GPC5: variants seen among roughly 807,000 people sequenced by gnomAD.
The protein encoded by GPC5 is glypican 5.
A neutral mutation model predicts 53.9 loss-of-function variants in GPC5; 47 were observed. The ratio of observed to expected loss-of-function variants is 0.87; its 90% CI spans 0.69 to 1.11. The LOEUF (loss-of-function observed/expected upper bound fraction) is 1.11. Ranked by LOEUF, GPC5 falls within the 50% of genes most tolerant of loss-of-function variation. GPC5 has a pLI of 0.00. For synonymous variants in GPC5, 286 were observed against 263.3 expected, an observed-to-expected ratio of 1.09 and a Z score of -0.84; for missense variants, 748 against 713.1, an observed-to-expected ratio of 1.05 and a Z score of -0.56.
At chr13:91,710,311 A>G (rs2036198018) in intron 3 of GPC5, among the ~76,000 whole-genome samples, 1 of 152,226 alleles carries the variant, frequency 6.6e-6, no homozygotes, top group Non-Finnish European at 1.5e-5. Context: ...CTAACACTTC[A>G]TATCTTCCAT....
chr13:91,630,236 T>A (rs7992653), intron 2 of GPC5, among the ~76,000 whole-genome samples: 2 of 152,128 alleles, frequency 1.3e-5, no homozygotes, highest in Non-Finnish European at 2.9e-5. Context: ...TAACTTCTAC[T>A]GAGATTTTAA....
intron 6 of GPC5, among the ~76,000 whole-genome samples, chr13:92,122,672 G>A (rs371614300): frequency 2.1e-5 from 3 of 143,692 alleles, no homozygotes; most frequent in Admixed American, 1.4e-4. Context: ...ATAAAATTGT[G>A]TAATAATGGT....
intron 6 of GPC5, among the ~76,000 whole-genome samples, chr13:91,955,254 G>C (rs60993548): frequency 1.6e-4 from 25 of 152,110 alleles, no homozygotes; most frequent in African/African-American, 6.0e-4. Flanking sequence ...TTGGAGGAAC[G>C]CAAATAGCCA....
chr13:91,754,918 T>C (rs2037257170), intron 4 of GPC5, among the ~76,000 whole-genome samples: 1 of 152,144 alleles, frequency 6.6e-6, no homozygotes, highest in Non-Finnish European at 1.5e-5. Flanking sequence ...CTTTATCACT[T>C]ATCTGGTCCA....
In GPC5 at chr13:92,773,667, G is replaced by A. The variant is rs1051516446; in HGVS notation, c.1562-92615G>A. Among the ~76,000 whole-genome samples the A allele has an allele frequency of 2.5e-4, 38 of 152,232 alleles. No homozygotes were observed. The East Asian group carries it at 6.6e-3, about 26-fold the overall frequency. The stretch of plus-strand genomic sequence containing the variant: ...CTAATTGTCTTAGGAAAATTGCAAC[G>A]ATGTACTAACTAGTTTTCTTGCCAC... On this transcript the variant is annotated intron_variant, in intron 7 of 7. Transcript: ENST00000377067.
At chr13:91,650,760 T>G (rs866007757) in intron 2 of GPC5, among the ~76,000 whole-genome samples, 1 of 146,316 alleles carries the variant, frequency 6.8e-6, no homozygotes, top group African/African-American at 2.7e-5. Context: ...GTTTTTTTTT[T>G]TTTTTTTTTT....
chr13:91,445,071 A>G (rs1880689978), intron 1 of GPC5, among the ~76,000 whole-genome samples: 1 of 152,178 alleles, frequency 6.6e-6, no homozygotes, highest in African/African-American at 2.4e-5. Context: ...AACTAGCACA[A>G]ATTATTTTTC....
At chr13:91,464,770 G>T (rs1178489739) in intron 2 of GPC5, among the ~76,000 whole-genome samples, 1 of 151,862 alleles carries the variant, frequency 6.6e-6, no homozygotes, top group African/African-American at 2.4e-5. Context: ...AGTGGTGATG[G>T]TTACATGAAG....
At chr13:92,438,704 C>T (rs1363074525) in intron 7 of GPC5, among the ~76,000 whole-genome samples, 1 of 151,836 alleles carries the variant, frequency 6.6e-6, no homozygotes, top group African/African-American at 2.4e-5. Flanking sequence ...GGACAATGGT[C>T]GTGGCATAAA....
At chr13:92,615,318 G>C (rs1566321783) in intron 7 of GPC5, among the ~76,000 whole-genome samples, 1 of 152,148 alleles carries the variant, frequency 6.6e-6, no homozygotes, top group South Asian at 2.1e-4. Context: ...AAAGATAATA[G>C]ACATAAAATC....
chr13:92,766,526 A>G (rs1037819930), intron 7 of GPC5, among the ~76,000 whole-genome samples: 8 of 152,196 alleles, frequency 5.3e-5, no homozygotes, highest in African/African-American at 1.9e-4. Context: ...AAAGTCAACA[A>G]TGTTTCAGAG....
At chr13:92,659,935 C>G (rs1397950816) in intron 7 of GPC5, among the ~76,000 whole-genome samples, 2 of 152,128 alleles carry the variant, frequency 1.3e-5, no homozygotes, top group Non-Finnish European at 2.9e-5. Context: ...GAGAAAGAAA[C>G]CCGTGTGGAA....
chr13:92,607,042 A>G (rs980303251), intron 7 of GPC5, among the ~76,000 whole-genome samples: 8 of 152,186 alleles, frequency 5.3e-5, no homozygotes, highest in Non-Finnish European at 8.8e-5. Flanking sequence ...ATAATCATTA[A>G]CAAATATTTT....
intron 5 of GPC5, among the ~76,000 whole-genome samples, chr13:91,839,686 A>G (rs1240888571): frequency 6.6e-6 from 1 of 152,132 alleles, no homozygotes; most frequent in Non-Finnish European, 1.5e-5. Context: ...GAACCTTTGC[A>G]TACCCATTAT....
intron 6 of GPC5, among the ~76,000 whole-genome samples, chr13:92,066,524 G>GT (rs1458999391): frequency 6.6e-6 from 1 of 151,744 alleles, no homozygotes; most frequent in East Asian, 1.9e-4. Flanking sequence ...TTTCACGTGA[G>GT]TTTTGAAGGG....
intron 7 of GPC5, among the ~76,000 whole-genome samples, chr13:92,863,139 C>A (rs569282120): frequency 6.6e-6 from 1 of 152,244 alleles, no homozygotes; most frequent in African/African-American, 2.4e-5. Context: ...TTGTAGGTAA[C>A]ATAATTTATC....
chr13:91,586,653 A>G (rs559866550), intron 2 of GPC5, among the ~76,000 whole-genome samples: 17 of 144,158 alleles, frequency 1.2e-4, no homozygotes, highest in Non-Finnish European at 1.7e-4. Context: ...TCATGAGAAC[A>G]TCATGGGGGG....
chr13:92,589,445 T>G (rs2139065127), intron 7 of GPC5, among the ~76,000 whole-genome samples: 1 of 152,314 alleles, frequency 6.6e-6, no homozygotes, highest in Admixed American at 6.5e-5. Context: ...CCCAGCTTTA[T>G]TCCCCAAAAT....
At chr13:91,667,968 C>A (rs948162492) in intron 2 of GPC5, among the ~76,000 whole-genome samples, 1 of 152,198 alleles carries the variant, frequency 6.6e-6, no homozygotes, top group Non-Finnish European at 1.5e-5. Context: ...GTTCTATTTT[C>A]TCTTTCATAA....
Sources: gnomAD v4.1 joint callset for allele counts (sites outside exome capture counted in the v4.1 genomes callset) on GRCh38, gnomAD v4.1.1 for gene constraint, MANE v1.5 for transcripts, NCBI Gene and HGNC (gene_info 2026-07-23, HGNC 2026-07-21) for gene names.